ZNF81: variants seen among roughly 807,000 people sequenced by gnomAD.
ZNF81 encodes the protein zinc finger protein 81, also known as zinc finger protein 81 (HFZ20).
ZNF81 carries 5 observed loss-of-function variants against 32.3 expected under a neutral mutation model. The observed-to-expected ratio is 0.15, with a 90% CI of 0.08 to 0.33. The LOEUF (loss-of-function observed/expected upper bound fraction) is 0.33. Ranked by LOEUF, ZNF81 falls within the 10% of genes least tolerant of loss-of-function variation. The pLI, the probability that ZNF81 is intolerant of heterozygous loss-of-function variation, is 1.00. For synonymous variants in ZNF81, 163 were observed against 166.8 expected, an observed-to-expected ratio of 0.98 and a Z score of 0.17; for missense variants, 379 against 479.8, an observed-to-expected ratio of 0.79 and a Z score of 1.96.
At chrX:47,843,867 A>G (rs1371952491) in intron 1 of ZNF81, among the ~76,000 whole-genome samples, 2 of 110,841 alleles carry the variant, frequency 1.8e-5, no homozygotes, top group African/African-American at 6.6e-5. Context: ...AACCTCCTAT[A>G]TTTATTTGAT....
At chrX:47,860,854 A>G (rs1434199876) in intron 2 of ZNF81, 8 of 111,095 alleles carry the variant, frequency 7.2e-5, no homozygotes, top group African/African-American at 2.6e-4. Context: ...TGCCCTATGT[A>G]TGTGGATAGG....
intron 2 of ZNF81, among the ~76,000 whole-genome samples, chrX:47,859,540 G>C (rs1181366978): frequency 9.0e-6 from 1 of 111,267 alleles, no homozygotes; most frequent in Non-Finnish European, 1.9e-5. Context: ...ACTTCAAATG[G>C]TCATGTCAAT....
At chrX:47,854,888 G>C (rs1314312600) in intron 2 of ZNF81, among the ~76,000 whole-genome samples, 1 of 111,397 alleles carries the variant, frequency 9.0e-6, no homozygotes, top group South Asian at 3.7e-4. Flanking sequence ...GAGGTCAGGA[G>C]TTCGAGACCA....
At chrX:47,913,004 G>T (rs1241157654) in intron 4 of ZNF81, among the ~76,000 whole-genome samples, 1 of 105,359 alleles carries the variant, frequency 9.5e-6, no homozygotes, top group African/African-American at 3.9e-5. Flanking sequence ...CTATTTTTTT[G>T]TTAGATATAT....
intron 2 of ZNF81, among the ~76,000 whole-genome samples, chrX:47,873,715 G>A (rs2058589095): frequency 8.9e-6 from 1 of 111,744 alleles, no homozygotes; most frequent in Non-Finnish European, 1.9e-5. Flanking sequence ...CACCCAGGCT[G>A]GAGTGCAGCG....
intron 2 of ZNF81, among the ~76,000 whole-genome samples, chrX:47,876,579 T>A (rs1344433402): frequency 8.9e-6 from 1 of 112,372 alleles, no homozygotes; most frequent in Admixed American, 9.4e-5. Context: ...CCCAGCAAGA[T>A]GTGTAGGAGC....
At chrX:47,849,115 C>T (rs1313187553) in intron 2 of ZNF81, among the ~76,000 whole-genome samples, 1 of 112,022 alleles carries the variant, frequency 8.9e-6, no homozygotes, top group African/African-American at 3.2e-5. Flanking sequence ...TAGGAACATT[C>T]TTCATGTCTC....
chrX:47,913,801 A>G (rs2058747035), intron 4 of ZNF81, among the ~76,000 whole-genome samples: 1 of 111,775 alleles, frequency 8.9e-6, no homozygotes, highest in Non-Finnish European at 1.9e-5. Flanking sequence ...AGCACATAGC[A>G]AAGGACCTAC....
chrX:47,895,854 T>C lies in ZNF81; in HGVS notation c.191T>C (p.Val64Ala). The C allele has an allele frequency of 8.3e-7, 1 of 1,208,194 alleles. No homozygotes were observed. The change falls in exon 4 of 5, where the codon GTT becomes GCT. Residue 64 changes from valine to alanine, a missense_variant. By Grantham distance (64) the Val-to-Ala change is moderately conservative. Around this residue, in one of 2 missense-constraint regions of ZNF81, gnomAD observed 277 missense variants for 306.6 expected, o/e 0.90. Coordinates refer to ENST00000338637, the MANE Select transcript of ZNF81 (RefSeq NM_007137.5). ...YSHLLSVGFEVPKPEVIFKLE... is the reference protein window; with the variant it reads ...YSHLLSVGFEAPKPEVIFKLE... Reference sequence around the variant, plus strand: ...CGTGTCCTGTTAACAGGGTTCGAAGTTCCTAAACCAGAGGTCATCTTCAAG... The same window carrying C: ...CGTGTCCTGTTAACAGGGTTCGAAGCTCCTAAACCAGAGGTCATCTTCAAG...
chrX:47,912,473 T>C (rs1349100327), intron 4 of ZNF81, among the ~76,000 whole-genome samples: 1 of 103,682 alleles, frequency 9.6e-6, no homozygotes, highest in Admixed American at 1.1e-4. Context: ...TGCACTGTAC[T>C]AGGAATGGAA....
At chrX:47,873,371 C>T (rs996075214) in intron 2 of ZNF81, among the ~76,000 whole-genome samples, 1 of 111,821 alleles carries the variant, frequency 8.9e-6, no homozygotes, top group African/African-American at 3.3e-5. Context: ...AAGTTATTGA[C>T]ACTTGCTGTT....
intron 4 of ZNF81, among the ~76,000 whole-genome samples, chrX:47,902,700 A>G (rs1258990429): frequency 8.9e-6 from 1 of 112,239 alleles, no homozygotes; most frequent in Non-Finnish European, 1.9e-5. Flanking sequence ...AATATCCCAT[A>G]AGTCAAAAAA....
At chrX:47,844,943 T>C (rs115580115) in intron 1 of ZNF81, among the ~76,000 whole-genome samples, 1,271 of 112,383 alleles carry the variant, frequency 0.011, 22 homozygotes, top group African/African-American at 0.038. Flanking sequence ...TAATGACTGA[T>C]GTTGTTGAAC....
At chrX:47,886,644 G>A (rs2058643139) in intron 2 of ZNF81, among the ~76,000 whole-genome samples, 1 of 101,879 alleles carries the variant, frequency 9.8e-6, no homozygotes, top group Non-Finnish European at 2.0e-5. Flanking sequence ...CTGTCACCCA[G>A]GCTGGAGTGC....
intron 2 of ZNF81, among the ~76,000 whole-genome samples, chrX:47,873,410 A>C (rs1285831331): frequency 4.5e-5 from 5 of 111,697 alleles, no homozygotes; most frequent in African/African-American, 1.3e-4. Context: ...AAACTCCCTC[A>C]ATCTGCCAGT....
chrX:47,838,188 T>C (rs1409738290), intron 1 of ZNF81, among the ~76,000 whole-genome samples: 1 of 112,112 alleles, frequency 8.9e-6, no homozygotes, highest in Non-Finnish European at 1.9e-5. Context: ...CTTGCTGAGC[T>C]CAATTATTAG....
intron 2 of ZNF81, among the ~76,000 whole-genome samples, chrX:47,853,581 T>C (rs1264912050): frequency 9.0e-6 from 1 of 110,970 alleles, no homozygotes; most frequent in Non-Finnish European, 1.9e-5. Flanking sequence ...CAGGGTCTCA[T>C]TGTGTCAGTC....
rs185279138 is a variant in ZNF81, at chrX:47,918,763, G to A, written c.*2131G>A. On this transcript the variant is annotated 3_prime_UTR_variant, in exon 5 of 5. Transcript: ENST00000338637. Reference sequence around the variant, plus strand: ...ATATATTAAAATGAGCTGGGGAGCCGTTCCCAGGGAGAACTGTGCCCTAAT... The same window carrying A: ...ATATATTAAAATGAGCTGGGGAGCCATTCCCAGGGAGAACTGTGCCCTAAT... 23 of 114,977 alleles carry A rather than the reference G, an allele frequency of 2.0e-4. 1 individual carries two copies. Among genetic ancestry groups the A allele is most frequent in the Non-Finnish European group, 3.6e-4 (20 of 55,152 alleles). 9.5% of individuals were successfully genotyped at this position (114,977 alleles called of 1,213,427 possible). A position where few individuals can be genotyped will look rare whatever the true frequency, so the allele number is the denominator to read the frequency against.
intron 1 of ZNF81, among the ~76,000 whole-genome samples, chrX:47,840,689 G>A (rs1304293077): frequency 9.1e-6 from 1 of 110,237 alleles, no homozygotes; most frequent in African/African-American, 3.3e-5. Flanking sequence ...TGTATTTTTA[G>A]TAGAGACGGG....
Sources: gnomAD v4.1 joint callset for allele counts (sites outside exome capture counted in the v4.1 genomes callset) on GRCh38, gnomAD v4.1.1 for gene constraint, gnomAD v4.1.1 regional missense constraint, MANE v1.5 for transcripts, NCBI Gene and HGNC (gene_info 2026-07-23, HGNC 2026-07-21) for gene names.